The following EFCAB13 variants were observed in gnomAD, a reference collection of about 807,000 sequenced individuals.
EFCAB13 encodes EF-hand calcium binding domain 13.
Under a neutral mutation model 110.2 loss-of-function variants are expected in EFCAB13, and 91 were observed. That is an observed-to-expected ratio of 0.83 (90% CI 0.70 to 0.98). The LOEUF (loss-of-function observed/expected upper bound fraction) is 0.98. EFCAB13 is among the 50% of genes least tolerant of loss of function. The probability of loss-of-function intolerance (pLI) is 0.00; values close to 1 mark genes in which losing one functional copy is unlikely to be tolerated. For missense variants in EFCAB13, 968 were observed against 1,119.4 expected, an observed-to-expected ratio of 0.86 and a Z score of 1.93; for synonymous variants, 323 against 369.9, an observed-to-expected ratio of 0.87 and a Z score of 1.45.
At chr17:47,421,799 T>A (rs1338193639) in intron 23 of EFCAB13, among the ~76,000 whole-genome samples, 1 of 152,182 alleles carries the variant, frequency 6.6e-6, no homozygotes, top group Non-Finnish European at 1.5e-5. Context: ...AAAACTCAAC[T>A]TACCAAAGTA....
intron 17 of EFCAB13, among the ~76,000 whole-genome samples, chr17:47,397,381 G>A (rs1442573644): frequency 2.6e-5 from 4 of 151,932 alleles, no homozygotes; most frequent in Non-Finnish European, 5.9e-5. Flanking sequence ...CCTCCCAGCC[G>A]CCTGCCTTGG....
At chr17:47,344,096 A>T in intron 6 of EFCAB13, 66 bp from the exon 7 acceptor site, 1 of 1,524,776 alleles carries the variant, frequency 6.6e-7, no homozygotes, top group Non-Finnish European at 8.9e-7. Context: ...GAGTTGTATC[A>T]TCCAAGAATG....
intron 23 of EFCAB13, among the ~76,000 whole-genome samples, chr17:47,424,984 G>T (rs1243010253): frequency 7.3e-6 from 1 of 136,476 alleles, no homozygotes; most frequent in Non-Finnish European, 1.5e-5. Flanking sequence ...CCGGGTTCAC[G>T]CCATTCTCCT....
intron 5 of EFCAB13, among the ~76,000 whole-genome samples, chr17:47,338,691 T>A (rs998531130): frequency 2.6e-5 from 4 of 152,186 alleles, no homozygotes; most frequent in African/African-American, 9.6e-5. Flanking sequence ...ATAGAAAATT[T>A]ACTTTTGACT....
chr17:47,387,531 T>G (rs1268124227), intron 14 of EFCAB13, among the ~76,000 whole-genome samples: 1 of 152,256 alleles, frequency 6.6e-6, no homozygotes, highest in Non-Finnish European at 1.5e-5. Context: ...ATCCTCTTAC[T>G]GGATCAGCCC....
chr17:47,327,734 C>T (rs759789482), intron 3 of EFCAB13, among the ~76,000 whole-genome samples: 1 of 152,110 alleles, frequency 6.6e-6, no homozygotes, highest in Non-Finnish European at 1.5e-5. Context: ...GGATTACAGA[C>T]GTGAACCACT....
chr17:47,374,036 C>G (rs1217595632), intron 11 of EFCAB13, among the ~76,000 whole-genome samples: 3 of 152,088 alleles, frequency 2.0e-5, no homozygotes, highest in Non-Finnish European at 4.4e-5. Flanking sequence ...TTTTCCTCCA[C>G]AAATACCAAG....
chr17:47,424,414 C>T (rs1039173194), intron 23 of EFCAB13, among the ~76,000 whole-genome samples: 3 of 152,168 alleles, frequency 2.0e-5, no homozygotes, highest in Admixed American at 2.0e-4. Context: ...AGGGTGTCAG[C>T]CCAGAAGGAG....
At chr17:47,404,527 G>T (rs189555409) in intron 19 of EFCAB13, 35 bp from the exon 20 acceptor site, 39 of 1,534,528 alleles carry the variant, frequency 2.5e-5, no homozygotes, top group African/African-American at 4.1e-5. Context: ...TTTGTCTAGG[G>T]GTTCTTGTTT....
intron 2 of EFCAB13, among the ~76,000 whole-genome samples, chr17:47,324,801 T>A (rs1324201018): frequency 6.6e-6 from 1 of 151,264 alleles, no homozygotes. Context: ...CACAGCCCCA[T>A]TTTCCTCTCA....
At chr17:47,328,155 G>T (rs1038919492) in intron 3 of EFCAB13, 114 bp from the exon 4 acceptor site, 3 of 589,300 alleles carry the variant, frequency 5.1e-6, no homozygotes, top group Middle Eastern at 3.7e-4. Flanking sequence ...GTGAAATGTT[G>T]TGTATCATAC....
chr17:47,328,004 A>G, intron 3 of EFCAB13: 1 of 432,434 alleles, frequency 2.3e-6, no homozygotes, highest in African/African-American at 2.0e-5. Context: ...AAATAAACAG[A>G]TGTAATTGGA....
chr17:47,407,082 C>G (rs1385264176), intron 20 of EFCAB13, among the ~76,000 whole-genome samples: 1 of 152,106 alleles, frequency 6.6e-6, no homozygotes, highest in Non-Finnish European at 1.5e-5. Context: ...GTGAAGTTAG[C>G]TGACAGGAAC....
At chr17:47,399,687 AATTGAAGAGTGAGTTCTTGG>A (rs2065768697) in intron 17 of EFCAB13, among the ~76,000 whole-genome samples, 1 of 151,984 alleles carries the variant, frequency 6.6e-6, no homozygotes, top group Non-Finnish European at 1.5e-5. Context: ...TCTCTAGTGA[AATTGAAGAGTGAGTTCTTGG>A]TTATTGGTGG....
intron 9 of EFCAB13, among the ~76,000 whole-genome samples, chr17:47,356,903 G>T (rs1316256341): frequency 6.6e-6 from 1 of 152,206 alleles, no homozygotes; most frequent in Non-Finnish European, 1.5e-5. Flanking sequence ...GGGCCTTGCT[G>T]CAGCTGCTGT....
At position 47,395,885 on chromosome 17, in the gene EFCAB13, G is replaced by A. The variant is rs2065735241; in HGVS notation, c.1853G>A (p.Ser618Asn). The change falls in exon 17 of 25, where the codon AGT becomes AAT. Residue 618 changes from serine (S) to asparagine (N), a missense_variant. Transcript: ENST00000331493. ...GACGATCTCAGAAAGGAGACGATGA[G>A]TGTTTCTGACCTGTGGAATACTCTG... The part of the protein sequence containing the change: ...TLDDLRKETM[S>N]VSDLWNTLSS... 6.2e-7 allele frequency: 1 copy of A among 1,610,640 alleles called. No individual in the cohort carries two copies. Among genetic ancestry groups the A allele is most frequent in the Non-Finnish European group, 8.5e-7 (1 of 1,177,666 alleles).
intron 23 of EFCAB13, among the ~76,000 whole-genome samples, chr17:47,421,641 G>GAAACAA: frequency 7.7e-6 from 1 of 129,378 alleles, no homozygotes; most frequent in African/African-American, 2.9e-5. Context: ...AAGAAAGAAA[G>GAAACAA]AAAAAAAAAA....
rs757111182 is a variant in EFCAB13, at chr17:47,342,008, A to T, written c.279A>T (p.Val93=). The T allele has an allele frequency of 8.2e-6, 13 of 1,586,856 alleles. No individual in the cohort carries two copies. The highest frequency in any genetic ancestry group is 1.1e-5 in the Non-Finnish European group (13 of 1,168,778). Residue 93 remains valine, a synonymous_variant, in exon 6 of 25, where the codon GTA becomes GTT. Coordinates refer to ENST00000331493, the MANE Select transcript of EFCAB13 (RefSeq NM_152347.5). ...EKKVGRKSLQ[V]QQHSKRTEII... The stretch of plus-strand genomic sequence containing the variant: ...AAGTTGGGAGAAAGAGTTTACAAGT[A>T]CAACAGCACAGTAAAAGAACTGAGG...
chr17:47,436,014 A>T (rs1186107361), intron 24 of EFCAB13, among the ~76,000 whole-genome samples: 1 of 152,040 alleles, frequency 6.6e-6, no homozygotes, highest in African/African-American at 2.4e-5. Flanking sequence ...GATTTGTCAA[A>T]TGCTTTTTCT....
Sources: allele counts gnomAD v4.1 joint callset (sites outside exome capture counted in the v4.1 genomes callset), GRCh38; gene constraint gnomAD v4.1.1; transcripts MANE v1.5; gene names NCBI Gene and HGNC (gene_info 2026-07-23, HGNC 2026-07-21).